The following PDS5B variants were observed in gnomAD, a reference collection of about 807,000 sequenced individuals.
The protein encoded by PDS5B is PDS5 cohesin associated factor B, also known as sister chromatid cohesion protein PDS5 homolog B.
In PDS5B, 51 loss-of-function variants were observed where a neutral mutation model predicts 184.1. The ratio of observed to expected loss-of-function variants is 0.28; its 90% CI spans 0.22 to 0.35. The LOEUF (loss-of-function observed/expected upper bound fraction) is 0.35, where lower values mean the gene tolerates loss of function less well. Ranked by LOEUF, PDS5B falls within the 10% of genes least tolerant of loss-of-function variation. The pLI is 1.00. For synonymous variants in PDS5B, 566 were observed against 569.2 expected (o/e 0.99, Z 0.08); for missense variants, 1,180 against 1,723.3 (o/e 0.68, Z 5.58).
At chr13:32,664,276 T>C (rs894846251) in intron 6 of PDS5B, among the ~76,000 whole-genome samples, 2 of 152,176 alleles carry the variant, frequency 1.3e-5, no homozygotes, top group Non-Finnish European at 2.9e-5. Context: ...CACAAAATGG[T>C]GTACAGACAA....
intron 17 of PDS5B, among the ~76,000 whole-genome samples, chr13:32,701,711 G>C (rs890639985): frequency 6.6e-6 from 1 of 152,036 alleles, no homozygotes; most frequent in Non-Finnish European, 1.5e-5. Context: ...CAAATTGTGT[G>C]AGAAATTGTC....
rs578027903 is a variant in PDS5B at position 32,666,627 on chromosome 13, A to G, written c.625-1137A>G. 4.4e-3 allele frequency among the ~76,000 whole-genome samples: 663 copies of G among 152,280 alleles called. 7 individuals are homozygous for G. Among genetic ancestry groups the G allele is most frequent in the African/African-American group, 0.015 (618 of 41,566 alleles). On this transcript the variant is annotated intron_variant, in intron 6 of 34. Transcript: ENST00000315596. Reference sequence around the variant, plus strand: ...AAAAAAAAAATGAAAAAAAGTCTCCATACTTTGACACCATAAATATTGTGA... The same window carrying G: ...AAAAAAAAAATGAAAAAAAGTCTCCGTACTTTGACACCATAAATATTGTGA...
At chr13:32,706,739 A>G (rs1256803468) in intron 17 of PDS5B, among the ~76,000 whole-genome samples, 195 bp from the exon 18 acceptor site, 3 of 152,210 alleles carry the variant, frequency 2.0e-5, no homozygotes, top group Non-Finnish European at 4.4e-5. Context: ...TGGGCAAGGG[A>G]AAAGAATTGT....
intron 1 of PDS5B, among the ~76,000 whole-genome samples, chr13:32,632,943 A>G (rs532470880): frequency 6.6e-6 from 1 of 152,050 alleles, no homozygotes; most frequent in South Asian, 2.1e-4. Context: ...CTCTACTAAA[A>G]TACAAAAATT....
rs1952703550 is a variant in PDS5B at position 32,721,578 on chromosome 13, G to T, written c.2124-10523G>T. 4.1e-5 allele frequency among the ~76,000 whole-genome samples: 6 copies of T among 147,884 alleles called. No homozygotes were observed. In the South Asian group the frequency reaches 1.3e-3, roughly 32 times the overall value. ...CACCTCCCAGATGGGGTGGCGGCCG[G>T]GTAGAGACGCTCCTCACCTCCCAGA... On this transcript the variant is annotated intron_variant, in intron 19 of 34. Transcript: ENST00000315596.
At chr13:32,716,803 G>A (rs1388535738) in intron 19 of PDS5B, among the ~76,000 whole-genome samples, 2 of 88,646 alleles carry the variant, frequency 2.3e-5, no homozygotes, top group East Asian at 2.6e-4. Context: ...GGGGGGGTCA[G>A]CCCCCTGCCC....
At chr13:32,658,150 C>T (rs1950563480) in intron 3 of PDS5B, 89 bp from the exon 4 acceptor site, 6 of 693,376 alleles carry the variant, frequency 8.7e-6, no homozygotes, top group South Asian at 7.1e-5. Context: ...GATATGTACA[C>T]ATGAGTGCTG....
chr13:32,630,789 CTTTT>C, intron 1 of PDS5B, among the ~76,000 whole-genome samples: 1 of 141,734 alleles, frequency 7.1e-6, no homozygotes, highest in Admixed American at 7.1e-5. Flanking sequence ...CTCTTCCTTA[CTTTT>C]TTTTTTTTTT....
chr13:32,758,210 A>T lies in PDS5B; in HGVS notation c.3180A>T (p.Lys1060Asn). The T allele has an allele frequency of 6.5e-7, 1 of 1,529,056 alleles. No individual in the cohort carries two copies. The highest frequency in any genetic ancestry group is 8.8e-7 in the Non-Finnish European group (1 of 1,130,078). 94.7% of individuals were successfully genotyped at this position (1,529,056 alleles called of 1,614,324 possible). Residue 1060 changes from lysine to asparagine, a missense_variant, in exon 27 of 35, where the codon AAA (lysine) becomes AAT (asparagine). Physicochemically the swap from Lys to Asn is moderately conservative, Grantham distance 94 (BLOSUM62 0). Coordinates refer to ENST00000315596, the MANE Select transcript of PDS5B (RefSeq NM_015032.4). ...TKDAQGPDDA[K>N]MNEKLYTVCD... ...ATGCCCAAGGACCAGATGATGCAAA[A>T]ATGAATGAAGTATGTAATTCTTTGT...
intron 20 of PDS5B, among the ~76,000 whole-genome samples, chr13:32,734,060 C>T (rs921174410): frequency 6.7e-6 from 1 of 148,670 alleles, no homozygotes; most frequent in Non-Finnish European, 1.5e-5. Context: ...TAGAGTCTTG[C>T]TCTGTCATCC....
chr13:32,639,010 G>A (rs1010328465), intron 1 of PDS5B, among the ~76,000 whole-genome samples: 1 of 151,992 alleles, frequency 6.6e-6, no homozygotes, highest in Non-Finnish European at 1.5e-5. Context: ...GAGATTTGAC[G>A]TGAATAGAAA....
chr13:32,773,752 A>T (rs1412287202), intron 34 of PDS5B, among the ~76,000 whole-genome samples: 1 of 152,218 alleles, frequency 6.6e-6, no homozygotes, highest in East Asian at 1.9e-4. Flanking sequence ...ATGAGAATTC[A>T]TAAAATTGGT....
intron 19 of PDS5B, among the ~76,000 whole-genome samples, chr13:32,728,039 T>C (rs557134538): frequency 1.3e-5 from 2 of 152,120 alleles, no homozygotes; most frequent in East Asian, 1.9e-4. Context: ...TCAAGTTCAC[T>C]GATACTTTTC....
intron 31 of PDS5B, among the ~76,000 whole-genome samples, chr13:32,766,175 T>A (rs1228141511): frequency 6.6e-6 from 1 of 152,194 alleles, no homozygotes; most frequent in Admixed American, 6.5e-5. Flanking sequence ...CATGATGTAT[T>A]TCATTTGTTG....
At chr13:32,596,681 T>C (rs1271709972) in intron 1 of PDS5B, among the ~76,000 whole-genome samples, 3 of 152,120 alleles carry the variant, frequency 2.0e-5, no homozygotes, top group African/African-American at 7.3e-5. Context: ...TAATTTTAGC[T>C]ATTCTAGTGG....
Position 32,687,257 on chromosome 13 carries a change from A to G in PDS5B, c.1327A>G (p.Ile443Val). ...ATGGATCAAAGACAAATTGCTACAT[A>G]TATATTATCAAAATAGTATTGATGA... is the stretch of plus-strand genomic sequence containing the variant. ...IAWIKDKLLHIYYQNSIDDRL... is the reference protein window; with the variant it reads ...IAWIKDKLLHVYYQNSIDDRL... The change falls in exon 12 of 35, where the codon ATA becomes GTA. Residue 443 changes from isoleucine (I) to valine (V), a missense_variant. By Grantham distance (29) the Ile-to-Val change is conservative (BLOSUM62 3). Coordinates refer to ENST00000315596, the MANE Select transcript of PDS5B (RefSeq NM_015032.4). 1 of 1,593,136 alleles carries G rather than the reference A, an allele frequency of 6.3e-7. No homozygotes were observed. The highest frequency in any genetic ancestry group is 8.5e-7 in the Non-Finnish European group (1 of 1,171,846).
chr13:32,664,823 C>A (rs2140725586), intron 6 of PDS5B, among the ~76,000 whole-genome samples: 1 of 150,626 alleles, frequency 6.6e-6, no homozygotes, highest in East Asian at 2.0e-4. Flanking sequence ...GGCACTCCAG[C>A]CTGGGTGACC....
chr13:32,698,478 A>G (rs1463077972), intron 15 of PDS5B, among the ~76,000 whole-genome samples: 1 of 152,158 alleles, frequency 6.6e-6, no homozygotes, highest in Non-Finnish European at 1.5e-5. Flanking sequence ...CATTCCATTT[A>G]TCTTCTATAA....
intron 23 of PDS5B, among the ~76,000 whole-genome samples, chr13:32,743,093 A>G (rs949074128): frequency 1.3e-5 from 2 of 152,002 alleles, no homozygotes; most frequent in African/African-American, 4.8e-5. Flanking sequence ...CCAGAAGTAT[A>G]AATAAATGCA....
Sources: gnomAD v4.1 joint callset for allele counts (sites outside exome capture counted in the v4.1 genomes callset) on GRCh38, gnomAD v4.1.1 for gene constraint, MANE v1.5 for transcripts, NCBI Gene and HGNC (gene_info 2026-07-23, HGNC 2026-07-21) for gene names.